APAF1: variants seen among roughly 807,000 people sequenced by gnomAD.
APAF1 encodes apoptotic peptidase activating factor 1, also known as apoptotic protease-activating factor 1.
A neutral mutation model predicts 152.4 loss-of-function variants in APAF1; 91 were observed. The observed-to-expected ratio is 0.60, with a 90% CI of 0.50 to 0.71. The LOEUF is 0.71. Among genes scored for constraint, APAF1 ranks in the 30% least tolerant of loss-of-function variants. The probability of loss-of-function intolerance (pLI) is 0.00; values close to 1 mark genes in which losing one functional copy is unlikely to be tolerated. For missense variants in APAF1, 1,283 were observed against 1,472.0 expected (o/e 0.87, Z 2.10); for synonymous variants, 484 against 494.1 (o/e 0.98, Z 0.27).
rs112256212 is a variant in APAF1 at position 98,724,660 on chromosome 12, T to G, written c.3331-755T>G. 6.0e-3 allele frequency among the ~76,000 whole-genome samples: 914 copies of G among 152,336 alleles called. 9 individuals are homozygous for G. Among genetic ancestry groups the G allele is most frequent in the African/African-American group, 0.02 (823 of 41,584 alleles). ...CTCAAGCAAGGTTAGCTGCTCTACC[T>G]CCAGTGTTTCTATTACATTTTATTC... On this transcript the variant is annotated intron_variant, in intron 24 of 26. Coordinates refer to ENST00000551964, the MANE Select transcript of APAF1 (RefSeq NM_181861.2).
intron 21 of APAF1, chr12:98,712,770 T>C (rs967609695): frequency 7.2e-5 from 20 of 276,754 alleles, no homozygotes; most frequent in African/African-American, 4.3e-4. Context: ...GGCCTCAGCC[T>C]CCCAAAGTGT....
chr12:98,715,265 T>TG (rs1565890580), intron 21 of APAF1, among the ~76,000 whole-genome samples, 162 bp from the exon 22 acceptor site: 5 of 124,784 alleles, frequency 4.0e-5, no homozygotes, highest in Admixed American at 1.6e-4. Flanking sequence ...TATATATATA[T>TG]ATATATATAT....
chr12:98,699,536 A>C lies in APAF1; in HGVS notation c.2433A>C (p.Ala811=), dbSNP rs1418983313. ...VKCCSWSADG[A]RIMVAAKNKI... ...GTTGTTCGTGGTCTGCTGATGGTGC[A>C]AGGATAATGGTGGCAGCAAAAAATA... The change falls in exon 17 of 27, where the codon GCA becomes GCC. Residue 811 remains alanine, a synonymous_variant. Coordinates refer to ENST00000551964, the MANE Select transcript of APAF1 (RefSeq NM_181861.2). 7 of 1,614,216 alleles carry C rather than the reference A, an allele frequency of 4.3e-6. No homozygotes were observed. The Admixed American group carries it at 6.7e-5, about 15-fold the overall frequency.
rs542303175 is a variant in APAF1 at position 98,726,048 on chromosome 12, G to A, written c.3456+508G>A. Among the ~76,000 whole-genome samples the A allele has an allele frequency of 5.9e-5, 9 of 152,242 alleles. 1 individual carries two copies. The highest frequency in any genetic ancestry group is 1.3e-4 in the Admixed American group (2 of 15,294). On this transcript the variant is annotated intron_variant, in intron 25 of 26. Transcript: ENST00000551964. ...AAACAGTGCAGAGGTTCACATTTCC[G>A]TCATTGTGGGGCAGCGAAGGGCTCC...
intron 26 of APAF1, among the ~76,000 whole-genome samples, chr12:98,731,573 G>T (rs1013997726): frequency 1.8e-4 from 27 of 152,214 alleles, no homozygotes; most frequent in African/African-American, 6.5e-4. Context: ...ATTACTAATA[G>T]TGAACATGCT....
intron 5 of APAF1, among the ~76,000 whole-genome samples, chr12:98,660,902 A>G (rs914590614): frequency 6.6e-6 from 1 of 152,174 alleles, no homozygotes; most frequent in African/African-American, 2.4e-5. Flanking sequence ...ATAGGGTGAG[A>G]AGAGTATTTT....
At chr12:98,679,739 T>G (rs2097690396) in intron 13 of APAF1, among the ~76,000 whole-genome samples, 1 of 152,252 alleles carries the variant, frequency 6.6e-6, no homozygotes. Flanking sequence ...GTAAGCTGCT[T>G]GTGGTGTGCC....
At chr12:98,652,648 C>T (rs1053136250) in intron 4 of APAF1, among the ~76,000 whole-genome samples, 10 of 150,386 alleles carry the variant, frequency 6.6e-5, no homozygotes, top group East Asian at 2.0e-4. Flanking sequence ...TTTTTTGAGA[C>T]GGAGTTTCGC....
At chr12:98,722,138 T>C (rs544286655) in intron 22 of APAF1, among the ~76,000 whole-genome samples, 8 of 152,358 alleles carry the variant, frequency 5.3e-5, no homozygotes, top group African/African-American at 1.4e-4. Flanking sequence ...TCCCTGCTCC[T>C]ATACTTTAAC....
chr12:98,646,821 G>A (rs1015007278), intron 1 of APAF1, among the ~76,000 whole-genome samples: 3 of 152,178 alleles, frequency 2.0e-5, no homozygotes, highest in African/African-American at 7.2e-5. Flanking sequence ...GAAACGTCAA[G>A]TATTTTACTA....
At chr12:98,694,523 TCTTTC>T (rs1246000404) in intron 16 of APAF1, among the ~76,000 whole-genome samples, 1 of 152,218 alleles carries the variant, frequency 6.6e-6, no homozygotes, top group Non-Finnish European at 1.5e-5. Flanking sequence ...GCTTTACTTT[TCTTTC>T]CTTCTATTGA....
intron 20 of APAF1, among the ~76,000 whole-genome samples, chr12:98,709,207 AT>A (rs1202716564): frequency 2.0e-5 from 3 of 152,202 alleles, no homozygotes; most frequent in African/African-American, 7.2e-5. Flanking sequence ...TTCAGTAAAT[AT>A]TTATTGAATG....
intron 13 of APAF1, among the ~76,000 whole-genome samples, chr12:98,678,895 G>T (rs914429932): frequency 6.6e-6 from 1 of 152,182 alleles, no homozygotes; most frequent in Non-Finnish European, 1.5e-5. Flanking sequence ...AGCCAAGGGG[G>T]TGCTGAGGGC....
chr12:98,674,439 G>GTCTC (rs34546993), intron 12 of APAF1, among the ~76,000 whole-genome samples: 68 of 149,346 alleles, frequency 4.6e-4, no homozygotes, highest in African/African-American at 6.1e-4. Flanking sequence ...TGAAGTGGAG[G>GTCTC]TCTCTCTCTC....
rs150962088 is a variant in APAF1, at chr12:98,679,261, G to C, written c.1921-1016G>C. On this transcript the variant is annotated intron_variant, in intron 13 of 26. Coordinates refer to ENST00000551964, the MANE Select transcript of APAF1 (RefSeq NM_181861.2). Reference sequence around the variant, plus strand: ...CACTCTAGTGCCCCCTCTTTGCTGAGAGCTGTGCAGATGACAGGAGGACCA... The same window carrying C: ...CACTCTAGTGCCCCCTCTTTGCTGACAGCTGTGCAGATGACAGGAGGACCA... Among the ~76,000 whole-genome samples, 271 of 152,280 alleles carry C rather than the reference G, an allele frequency of 1.8e-3. 2 individuals are homozygous for C. Among genetic ancestry groups the C allele is most frequent in the African/African-American group, 6.3e-3 (260 of 41,576 alleles).
chr12:98,704,157 G>T (rs180805363), intron 18 of APAF1, among the ~76,000 whole-genome samples: 2,958 of 151,844 alleles, frequency 0.019, 37 homozygotes, highest in Non-Finnish European at 0.031. Flanking sequence ...AGAAATGGGG[G>T]TCTCACTGTG....
intron 25 of APAF1, among the ~76,000 whole-genome samples, chr12:98,726,007 G>GGACT (rs914652745): frequency 3.8e-4 from 58 of 152,220 alleles, no homozygotes; most frequent in African/African-American, 1.3e-3. Flanking sequence ...AGTCCTCTGT[G>GGACT]GACTGCCTGC....
intron 7 of APAF1, among the ~76,000 whole-genome samples, chr12:98,665,268 A>G (rs1241236231): frequency 2.9e-5 from 3 of 101,864 alleles, no homozygotes; most frequent in Non-Finnish European, 6.1e-5. Context: ...ATATATATAT[A>G]TATATATATA....
chr12:98,693,236 T>C (rs1464761388), intron 16 of APAF1, among the ~76,000 whole-genome samples: 1 of 152,130 alleles, frequency 6.6e-6, no homozygotes, highest in East Asian at 1.9e-4. Context: ...TTTAATGTTA[T>C]TGATGTACAG....
Sources: gnomAD v4.1 joint callset for allele counts (sites outside exome capture counted in the v4.1 genomes callset) on GRCh38, gnomAD v4.1.1 for gene constraint, MANE v1.5 for transcripts, NCBI Gene and HGNC (gene_info 2026-07-23, HGNC 2026-07-21) for gene names.